The following IL17D variants were observed in gnomAD, a reference collection of about 807,000 sequenced individuals.
The protein encoded by IL17D is interleukin 17D.
In IL17D, 10 loss-of-function variants were observed where a neutral mutation model predicts 5.7. The ratio of observed to expected loss-of-function variants is 1.75; its 90% CI spans 1.08 to 2.97. The LOEUF is 2.97. Ranked by LOEUF, IL17D falls within the 30% of genes most tolerant of loss-of-function variation. The pLI is 0.00. For missense variants in IL17D, 354 were observed against 292.7 expected, an observed-to-expected ratio of 1.21 and a Z score of -1.53; for synonymous variants, 172 against 141.7, an observed-to-expected ratio of 1.21 and a Z score of -1.52.
In IL17D at chr13:20,704,126, T is replaced by C. The variant is rs2058567873; in HGVS notation, c.125T>C (p.Leu42Pro). ...ADRPEELLEQ[L>P]YGRLAAGVLS... ...CGGCCGGAGGAGCTACTGGAGCAGC[T>C]GTACGGGCGCCTGGCGGCCGGCGTG... The change falls in exon 1 of 2, where the codon CTG becomes CCG. Residue 42 changes from leucine (L) to proline (P), a missense_variant. Transcript: ENST00000682841. 1 of 1,321,046 alleles carries C rather than the reference T, an allele frequency of 7.6e-7. No individual in the cohort carries two copies. 81.8% of individuals were successfully genotyped at this position (1,321,046 alleles called of 1,614,324 possible). A position where few individuals can be genotyped will look rare whatever the true frequency, so the allele number is the denominator to read the frequency against.
At chr13:20,719,174 G>T (rs867357861) in intron 1 of IL17D, among the ~76,000 whole-genome samples, 2 of 125,998 alleles carry the variant, frequency 1.6e-5, no homozygotes, top group Admixed American at 8.0e-5. Context: ...CATCACGCAC[G>T]CCTGCCTACA....
intron 1 of IL17D, among the ~76,000 whole-genome samples, chr13:20,710,084 C>T (rs958184778): frequency 6.6e-6 from 1 of 152,172 alleles, no homozygotes; most frequent in Admixed American, 6.5e-5. Flanking sequence ...GCCCAAGTCC[C>T]ACCCAGTGTG....
chr13:20,707,966 G>A (rs888258874), intron 1 of IL17D, among the ~76,000 whole-genome samples: 2 of 152,196 alleles, frequency 1.3e-5, no homozygotes, highest in African/African-American at 4.8e-5. Flanking sequence ...AGGCTGGAAT[G>A]CAGTGGCATG....
At chr13:20,720,431 A>G (rs2058722094) in intron 1 of IL17D, among the ~76,000 whole-genome samples, 1 of 152,226 alleles carries the variant, frequency 6.6e-6, no homozygotes, top group Admixed American at 6.5e-5. Context: ...CTTTGACATG[A>G]GACCTGTGGA....
intron 1 of IL17D, 26 bp downstream of exon 1, chr13:20,704,317 G>A: frequency 8.5e-7 from 1 of 1,176,124 alleles, no homozygotes; most frequent in Non-Finnish European, 1.0e-6. Flanking sequence ...GTCCTGGCGG[G>A]GCCCGGCAGG....
At chr13:20,708,843 C>CAAAAAAAAA (rs10644027) in intron 1 of IL17D, among the ~76,000 whole-genome samples, 1 of 111,840 alleles carries the variant, frequency 8.9e-6, no homozygotes, top group Non-Finnish European at 1.7e-5. Flanking sequence ...ACTAAAAATA[C>CAAAAAAAAA]AAAAAAAAAA....
intron 1 of IL17D, among the ~76,000 whole-genome samples, chr13:20,705,613 A>T (rs1237737796): frequency 6.6e-5 from 10 of 152,170 alleles, no homozygotes; most frequent in Non-Finnish European, 1.3e-4. Context: ...GGGAGGATAG[A>T]TTGAGCCCGG....
intron 1 of IL17D, among the ~76,000 whole-genome samples, chr13:20,717,523 C>G (rs2058686364): frequency 6.6e-6 from 1 of 152,176 alleles, no homozygotes; most frequent in Admixed American, 6.5e-5. Flanking sequence ...CAGCGAGGGC[C>G]CTAGGGCTTC....
intron 1 of IL17D, among the ~76,000 whole-genome samples, chr13:20,711,234 A>G (rs1343888293): frequency 6.6e-6 from 1 of 151,522 alleles, no homozygotes; most frequent in African/African-American, 2.4e-5. Flanking sequence ...ATTGCACTCC[A>G]GTCTGAGCAA....
Position 20,703,919 on chromosome 13 carries a change from C to A in IL17D, c.-83C>A, listed in dbSNP as rs941139079. 2.5e-6 allele frequency: 2 copies of A among 811,106 alleles called. No individual in the cohort carries two copies. The highest frequency in any genetic ancestry group is 6.2e-4 in the Middle Eastern group (1 of 1,608). 50.2% of individuals were successfully genotyped at this position (811,106 alleles called of 1,614,324 possible). A position where few individuals can be genotyped will look rare whatever the true frequency, so the allele number is the denominator to read the frequency against. The stretch of plus-strand genomic sequence containing the variant: ...GGAGGCGCCCGCCGGCTCCGGGCGC[C>A]GCGGGCGGGACACGGGCGCGGGGCG... On this transcript the variant is annotated 5_prime_UTR_variant, in exon 1 of 2. Coordinates refer to ENST00000682841, the MANE Select transcript of IL17D (RefSeq NM_001385224.1).
intron 1 of IL17D, chr13:20,714,071 C>T (rs1260606933): frequency 1.3e-5 from 2 of 152,252 alleles, no homozygotes; most frequent in African/African-American, 4.8e-5. Context: ...GGGCATGAGT[C>T]GTGTTTTTCC....
At chr13:20,708,266 C>T (rs986281645) in intron 1 of IL17D, among the ~76,000 whole-genome samples, 19 of 152,228 alleles carry the variant, frequency 1.2e-4, no homozygotes, top group African/African-American at 3.6e-4. Context: ...ATGGACTGAA[C>T]GTCAGGAGTA....
intron 1 of IL17D, among the ~76,000 whole-genome samples, chr13:20,717,807 G>A (rs2058689352): frequency 6.6e-6 from 1 of 152,158 alleles, no homozygotes; most frequent in African/African-American, 2.4e-5. Flanking sequence ...CCCAGCGGCG[G>A]GGGCAATTTC....
intron 1 of IL17D, among the ~76,000 whole-genome samples, chr13:20,710,628 T>TA (rs11445353): frequency 0.66 from 36,475 of 55,010 alleles, 12,317 homozygotes; most frequent in Non-Finnish European, 0.75. Context: ...AAACTCTGTC[T>TA]AAAAAAAAAA....
rs2058682853 is a variant in IL17D at position 20,716,946 on chromosome 13, G to C, written c.291-4690G>C. 6.6e-6 allele frequency among the ~76,000 whole-genome samples: 1 copy of C among 152,238 alleles called. No homozygotes were observed. The highest frequency in any genetic ancestry group is 1.5e-5 in the Non-Finnish European group (1 of 68,042). On this transcript the variant is annotated intron_variant, in intron 1 of 1. Coordinates refer to ENST00000682841, the MANE Select transcript of IL17D (RefSeq NM_001385224.1). The surrounding 1 kb of genome is among the most constrained non-coding windows in gnomAD (Gnocchi z 4.2). ...GCGCCCCAGCTATCCTTGGGCATCA[G>C]TTAGAGGACACATCAGGTGGCCCGA...
Position 20,704,178 on chromosome 13 carries a change from G to A in IL17D, c.177G>A (p.Gln59=). The change falls in exon 1 of 2, where the codon CAG becomes CAA. Residue 59 remains glutamine, a synonymous_variant. Coordinates refer to ENST00000682841, the MANE Select transcript of IL17D (RefSeq NM_001385224.1). The stretch of plus-strand genomic sequence containing the variant: ...TCAGTGCCTTCCACCACACGCTGCA[G>A]CTGGGGCCGCGTGAGCAGGCGCGCA... ...GVLSAFHHTL[Q]LGPREQARNA... 1.5e-6 allele frequency: 2 copies of A among 1,373,206 alleles called. No individual in the cohort carries two copies. The highest frequency in any genetic ancestry group is 1.9e-6 in the Non-Finnish European group (2 of 1,056,684). The allele number at this position is 1,373,206 out of a possible 1,614,324, so 85.1% of individuals were successfully genotyped here. A position where few individuals can be genotyped will look rare whatever the true frequency, so the allele number is the denominator to read the frequency against.
rs1356914221 is a variant in IL17D at position 20,721,646 on chromosome 13, G to T, written c.301G>T (p.Asp101Tyr). 1.9e-6 allele frequency: 3 copies of T among 1,598,108 alleles called. No individual in the cohort carries two copies. Among genetic ancestry groups the T allele is most frequent in the Non-Finnish European group, 2.6e-6 (3 of 1,170,422 alleles). ...GCTCTCTCCCTGCAGAATCTCCTAC[G>T]ACCCGGCGAGGTACCCCAGGTACCT... ...VSPWAYRISY[D>Y]PARYPRYLPE... is the part of the protein sequence containing the mutation. Residue 101 changes from aspartate (D) to tyrosine (Y), a missense_variant, in exon 2 of 2, where the codon GAC becomes TAC. Physicochemically the swap from Asp to Tyr is radical, Grantham distance 160 (BLOSUM62 -3). Coordinates refer to ENST00000682841, the MANE Select transcript of IL17D (RefSeq NM_001385224.1).
In IL17D at chr13:20,722,137, C is replaced by T. The variant is rs1213582275; in HGVS notation, c.*183C>T. The T allele has an allele frequency of 3.2e-5, 18 of 564,350 alleles. No individual in the cohort carries two copies. The highest frequency in any genetic ancestry group is 5.5e-5 in the Non-Finnish European group (18 of 328,950). The allele number at this position is 564,350 out of a possible 1,614,324, so 35.0% of individuals were successfully genotyped here. A position where few individuals can be genotyped will look rare whatever the true frequency, so the allele number is the denominator to read the frequency against. On this transcript the variant is annotated 3_prime_UTR_variant, in exon 2 of 2. Transcript: ENST00000682841. ...CTTCATCTGACACGGGCATCCCTGG[C>T]TTGCTTTTAGCTACAAGCAAGCAGC...
In IL17D at chr13:20,722,282, G is replaced by A. The variant is rs2141403331; in HGVS notation, c.*328G>A. The A allele has an allele frequency of 3.0e-6, 1 of 333,472 alleles. No homozygotes were observed. Among genetic ancestry groups the A allele is most frequent in the Non-Finnish European group, 5.4e-6 (1 of 184,652 alleles). 20.7% of individuals were successfully genotyped at this position (333,472 alleles called of 1,614,324 possible). On this transcript the variant is annotated 3_prime_UTR_variant, in exon 2 of 2. Coordinates refer to ENST00000682841, the MANE Select transcript of IL17D (RefSeq NM_001385224.1). ...GCCTCTCAGATCGGCTGCTGCGGGT[G>A]CAGGGCGTGACTCACCGCTGGGTGC...
Sources: gnomAD v4.1 joint callset for allele counts (sites outside exome capture counted in the v4.1 genomes callset) on GRCh38, gnomAD v4.1.1 for gene constraint, Gnocchi (gnomAD v3.1) non-coding constraint, MANE v1.5 for transcripts, NCBI Gene and HGNC (gene_info 2026-07-23, HGNC 2026-07-21) for gene names.